KARS1: variants seen among roughly 807,000 people sequenced by gnomAD.
KARS1 encodes lysine--tRNA ligase.
KARS1 carries 50 observed loss-of-function variants against 63.9 expected under a neutral mutation model. That is an observed-to-expected ratio of 0.78 (90% CI 0.62 to 0.99). KARS1 has a LOEUF of 0.99. Among genes scored for constraint, KARS1 ranks in the 50% least tolerant of loss-of-function variants. The pLI is 0.00. For synonymous variants in KARS1, 320 were observed against 264.6 expected (o/e 1.21, Z -2.03); for missense variants, 816 against 754.5 (o/e 1.08, Z -0.95).
intron 2 of KARS1, 52 bp from the exon 3 acceptor site, chr16:75,640,401 C>T: frequency 6.3e-7 from 1 of 1,575,506 alleles, no homozygotes; most frequent in Non-Finnish European, 8.7e-7. Flanking sequence ...CTGGTCAGAC[C>T]AGTGGGGCCC....
intron 7 of KARS1, among the ~76,000 whole-genome samples, chr16:75,633,436 G>C (rs1441789734): frequency 6.6e-6 from 1 of 151,748 alleles, no homozygotes; most frequent in African/African-American, 2.4e-5. Flanking sequence ...TCTGTTGTCT[G>C]CAACTAAGAA....
intron 3 of KARS1, 123 bp downstream of exon 3, chr16:75,640,060 TA>T (rs1443777866): frequency 1.2e-5 from 10 of 803,084 alleles, no homozygotes; most frequent in Non-Finnish European, 2.0e-5. Flanking sequence ...GCACTGTCCT[TA>T]GTAAAGTAGC....
At chr16:75,646,925 G>C (rs763185898) in intron 1 of KARS1, among the ~76,000 whole-genome samples, 1 of 152,148 alleles carries the variant, frequency 6.6e-6, no homozygotes, top group Non-Finnish European at 1.5e-5. Flanking sequence ...ATATAAGACA[G>C]CCAGTTAAAG....
intron 7 of KARS1, among the ~76,000 whole-genome samples, chr16:75,632,125 G>C (rs1356727842): frequency 6.6e-6 from 1 of 152,042 alleles, no homozygotes; most frequent in Non-Finnish European, 1.5e-5. Flanking sequence ...CCCGACCTCA[G>C]GTGATCTGCC....
At chr16:75,642,730 G>A (rs976166437) in intron 1 of KARS1, 1 of 152,222 alleles carries the variant, frequency 6.6e-6, no homozygotes, top group African/African-American at 2.4e-5. Flanking sequence ...GTGCAAAGCA[G>A]TATAGTACAG....
In KARS1 at chr16:75,635,979, T is replaced by C. The variant is rs1264958748; in HGVS notation, c.602A>G (p.Tyr201Cys). ...ACAGGGAGACAGCAGTGTGATCTCA[T>C]ACGGAATGATGCTCAGCTCACCCTT... ...TKKGELSIIP[Y>C]EITLLSPCLH... Residue 201 changes from tyrosine to cysteine, a missense_variant, in exon 5 of 14, where the codon TAT (tyrosine) becomes TGT (cysteine). Transcript: ENST00000302445. 3.7e-6 allele frequency: 6 copies of C among 1,614,068 alleles called. No individual in the cohort carries two copies. Among genetic ancestry groups the C allele is most frequent in the Middle Eastern group, 1.6e-4 (1 of 6,084 alleles).
chr16:75,631,554 T>C lies in KARS1; in HGVS notation c.1114A>G (p.Thr372Ala). The C allele has an allele frequency of 6.2e-7, 1 of 1,614,154 alleles. No individual in the cohort carries two copies. Among genetic ancestry groups the C allele is most frequent in the Non-Finnish European group, 8.5e-7 (1 of 1,180,024 alleles). ...VKHITGSYKVTYHPDGPEGQA... is the reference protein window; with the variant it reads ...VKHITGSYKVAYHPDGPEGQA... The stretch of plus-strand genomic sequence containing the variant: ...CCCTCTGGGCCATCTGGGTGGTAGG[T>C]GACCTTGTAACTGCCTGTAATATGC... Residue 372 changes from threonine (T) to alanine (A), a missense_variant, in exon 9 of 14, where the codon ACC (threonine) becomes GCC (alanine). Physicochemically the swap from Thr to Ala is moderately conservative, Grantham distance 58. Coordinates refer to ENST00000302445, the MANE Select transcript of KARS1 (RefSeq NM_005548.3).
chr16:75,633,219 A>G (rs1309251990), intron 7 of KARS1, among the ~76,000 whole-genome samples: 1 of 152,184 alleles, frequency 6.6e-6, no homozygotes, highest in African/African-American at 2.4e-5. Flanking sequence ...GCAATGACAA[A>G]TACACCTCTC....
At chr16:75,629,385 A>C in intron 12 of KARS1, 30 bp downstream of exon 12, 2 of 1,613,468 alleles carry the variant, frequency 1.2e-6, no homozygotes, top group Non-Finnish European at 1.7e-6. Flanking sequence ...GTGAGTTGGC[A>C]CAGCTTCTGC....
intron 11 of KARS1, among the ~76,000 whole-genome samples, chr16:75,630,094 G>A (rs1374837961): frequency 2.0e-5 from 3 of 152,328 alleles, no homozygotes; most frequent in Middle Eastern, 3.4e-3. Context: ...TATCACCAGA[G>A]GCTTGATACG....
rs544209447 is a variant in KARS1 at position 75,636,447 on chromosome 16, G to C, written c.482+7C>G. 26 of 1,583,372 alleles carry C rather than the reference G, an allele frequency of 1.6e-5. No individual in the cohort carries two copies. In the South Asian group the frequency reaches 2.4e-4, roughly 15 times the overall value. Reference sequence around the variant, plus strand: ...AGAAAGGTCTATAACTGGGTATTTCGAGATACCTGGAATTGGCCATGACTT... The same window carrying C: ...AGAAAGGTCTATAACTGGGTATTTCCAGATACCTGGAATTGGCCATGACTT... On this transcript the variant is annotated splice_region_variant and intron_variant, in intron 4 of 13. Transcript: ENST00000302445.
chr16:75,632,900 C>A (rs533436701), intron 7 of KARS1, among the ~76,000 whole-genome samples: 1 of 152,196 alleles, frequency 6.6e-6, no homozygotes, highest in Non-Finnish European at 1.5e-5. Flanking sequence ...AGGCTGAAGG[C>A]AGCCAGTTCT....
Position 75,630,521 on chromosome 16 carries a change from G to A in KARS1, c.1339-13C>T, listed in dbSNP as rs1254142385. 1 of 1,537,874 alleles carries A rather than the reference G, an allele frequency of 6.5e-7. No individual in the cohort carries two copies. Among genetic ancestry groups the A allele is most frequent in the Admixed American group, 1.7e-5 (1 of 59,920 alleles). ...ACTCCCCAACAAGCTTAATGAGAAA[G>A]CAAAGCAGAGTCAGTCACCATTTCT... On this transcript the variant is annotated splice_polypyrimidine_tract_variant and intron_variant, in intron 10 of 13. Coordinates refer to ENST00000302445, the MANE Select transcript of KARS1 (RefSeq NM_005548.3).
chr16:75,628,739 T>G, intron 12 of KARS1, 27 bp from the exon 13 acceptor site: 2 of 1,613,814 alleles, frequency 1.2e-6, no homozygotes, highest in Non-Finnish European at 1.7e-6. Flanking sequence ...AACCAAAAGG[T>G]GACCTTCTTC....
intron 11 of KARS1, among the ~76,000 whole-genome samples, chr16:75,629,864 G>A (rs1279909462): frequency 6.6e-6 from 1 of 152,234 alleles, no homozygotes; most frequent in Non-Finnish European, 1.5e-5. Flanking sequence ...GGACTCAAAA[G>A]TGTTACTGAT....
Position 75,629,290 on chromosome 16 carries a change from C to CA in KARS1, c.1551+124dup, listed in dbSNP as rs56951212. 239,024 of 1,215,914 alleles carry CA rather than the reference C, an allele frequency of 0.2. 43,521 individuals are homozygous for CA. Among genetic ancestry groups the CA allele is most frequent in the East Asian group, 0.77 (32,480 of 42,344 alleles). The allele number at this position is 1,215,914 out of a possible 1,614,324, so 75.3% of individuals were successfully genotyped here. A position where few individuals can be genotyped will look rare whatever the true frequency, so the allele number is the denominator to read the frequency against. ...CCATCTTGAAATGTGACTCCTCCAG[C>CA]AAGCCTATGGCTTTATCTTTCACTT... On this transcript the variant is annotated intron_variant, in intron 12 of 13. Transcript: ENST00000302445.
intron 2 of KARS1, 71 bp from the exon 3 acceptor site, chr16:75,640,420 G>C (rs2082211526): frequency 1.1e-5 from 16 of 1,470,252 alleles, no homozygotes; most frequent in South Asian, 2.3e-5. Context: ...CCACCTAGCA[G>C]AGGGCAGTAT....
chr16:75,639,846 A>G (rs1288086914), intron 3 of KARS1: 4 of 244,606 alleles, frequency 1.6e-5, no homozygotes, highest in Non-Finnish European at 3.2e-5. Flanking sequence ...ACTCCAAAAG[A>G]GCAATGTTCT....
At chr16:75,628,434 C>T in intron 13 of KARS1, 135 bp downstream of exon 13, 1 of 1,010,460 alleles carries the variant, frequency 9.9e-7, no homozygotes, top group Non-Finnish European at 1.5e-6. Context: ...CTGTGAGTGG[C>T]ATGGAACTCC....
Sources: allele counts gnomAD v4.1 joint callset (sites outside exome capture counted in the v4.1 genomes callset), GRCh38; gene constraint gnomAD v4.1.1; transcripts MANE v1.5; gene names NCBI Gene and HGNC (gene_info 2026-07-23, HGNC 2026-07-21).